Variants in LHPP observed in about 807,000 individuals in gnomAD.
The protein encoded by LHPP is phospholysine phosphohistidine inorganic pyrophosphate phosphatase.
A neutral mutation model predicts 30.3 loss-of-function variants in LHPP; 24 were observed. That is an observed-to-expected ratio of 0.79 (90% CI 0.57 to 1.11). LHPP has a LOEUF of 1.11. Ranked by LOEUF, LHPP falls within the 50% of genes most tolerant of loss-of-function variation. The pLI is 0.00. For synonymous variants in LHPP, 150 were observed against 157.1 expected (o/e 0.95, Z 0.34); for missense variants, 356 against 367.2 (o/e 0.97, Z 0.25).
intron 5 of LHPP, among the ~76,000 whole-genome samples, chr10:124,513,039 C>T (rs1157855010): frequency 1.3e-5 from 2 of 152,162 alleles, no homozygotes; most frequent in African/African-American, 2.4e-5. Flanking sequence ...CGGTTAGCCC[C>T]TCTTAGCATC....
intron 6 of LHPP, among the ~76,000 whole-genome samples, chr10:124,586,713 C>T (rs559810023): frequency 6.6e-6 from 1 of 152,234 alleles, no homozygotes; most frequent in South Asian, 2.1e-4. Flanking sequence ...GGCCCCGAGG[C>T]GAGAAGGACC....
intron 1 of LHPP, among the ~76,000 whole-genome samples, chr10:124,473,539 G>T (rs951816380): frequency 6.6e-6 from 1 of 152,148 alleles, no homozygotes; most frequent in Non-Finnish European, 1.5e-5. Flanking sequence ...TTGCCATGTG[G>T]CCTCAAGGAA....
chr10:124,582,539 T>C (rs973014176), intron 6 of LHPP, among the ~76,000 whole-genome samples: 2 of 151,262 alleles, frequency 1.3e-5, no homozygotes, highest in African/African-American at 4.9e-5. Flanking sequence ...TTGCTGCCTA[T>C]GCAGTAGAAA....
At chr10:124,604,812 G>A (rs182983859) in intron 6 of LHPP, among the ~76,000 whole-genome samples, 385 of 152,352 alleles carry the variant, frequency 2.5e-3, no homozygotes, top group African/African-American at 8.3e-3. Context: ...AGCAAATGGG[G>A]ACAGGGATAC....
intron 6 of LHPP, among the ~76,000 whole-genome samples, chr10:124,587,738 T>TA (rs747954796): frequency 0.048 from 2,538 of 52,836 alleles, 268 homozygotes; most frequent in African/African-American, 0.14. Context: ...AGACTCCATC[T>TA]AAAAAAAAAA....
chr10:124,553,959 C>T (rs1163114113), intron 6 of LHPP: 48 of 985,296 alleles, frequency 4.9e-5, no homozygotes, highest in Non-Finnish European at 4.1e-5. Context: ...GTTGTCCTTG[C>T]GGCACCATGC....
chr10:124,488,507 AAACATGAATAACGCCTTCC>A lies in LHPP; in HGVS notation c.401_419del (p.Asn134ArgfsTer26). The A allele has an allele frequency of 1.2e-6, 2 of 1,614,068 alleles. No homozygotes were observed. Among genetic ancestry groups the A allele is most frequent in the Non-Finnish European group, 1.7e-6 (2 of 1,180,010 alleles). Reference sequence around the variant, plus strand: ...ACGCAGGAGAAAGCTTTTCTTATCAAAACATGAATAACGCCTTCCAGGTGCTCATGGAGCTGGAAAAACC... The same window carrying A: ...ACGCAGGAGAAAGCTTTTCTTATCAAAGGTGCTCATGGAGCTGGAAAAACC... On this transcript the variant is annotated frameshift_variant, in exon 3 of 7. Coordinates refer to ENST00000368842, the MANE Select transcript of LHPP (RefSeq NM_022126.4). LOFTEE classifies it high-confidence loss of function.
chr10:124,494,276 G>A (rs1401330444), intron 3 of LHPP, among the ~76,000 whole-genome samples: 1 of 152,160 alleles, frequency 6.6e-6, no homozygotes, highest in Non-Finnish European at 1.5e-5. Flanking sequence ...GGAGGTGCTT[G>A]CTCCCGTCCA....
At chr10:124,602,732 ATGGAAGAAAATTGGGG>A (rs1441535403) in intron 6 of LHPP, among the ~76,000 whole-genome samples, 2 of 151,994 alleles carry the variant, frequency 1.3e-5, no homozygotes, top group African/African-American at 4.8e-5. Context: ...CTGCCCCCCA[ATGGAAGAAAATTGGGG>A]TTCAGTTAGC....
At chr10:124,556,483 T>C (rs987794337) in intron 6 of LHPP, among the ~76,000 whole-genome samples, 3 of 152,274 alleles carry the variant, frequency 2.0e-5, no homozygotes, top group African/African-American at 7.2e-5. Flanking sequence ...ACTGCATTGC[T>C]CATCCTTGTA....
Position 124,592,449 on chromosome 10 carries a change from G to A in LHPP, c.717-20815G>A, listed in dbSNP as rs1053570763. Among the ~76,000 whole-genome samples, 2 of 152,236 alleles carry A rather than the reference G, an allele frequency of 1.3e-5. No individual in the cohort carries two copies. The highest frequency in any genetic ancestry group is 4.8e-5 in the African/African-American group (2 of 41,456). On this transcript the variant is annotated intron_variant, in intron 6 of 6. Transcript: ENST00000368842. The surrounding 1 kb of genome is among the most constrained non-coding windows in gnomAD (Gnocchi z 6.2). ...TGATGAGACCCTGAGGTCACTGGCG[G>A]GGAAAATGAGTCACTGGGGCATTCC...
At chr10:124,575,646 A>G (rs1409329834) in intron 6 of LHPP, among the ~76,000 whole-genome samples, 1 of 152,126 alleles carries the variant, frequency 6.6e-6, no homozygotes, top group African/African-American at 2.4e-5. Context: ...AGGCGTCTGC[A>G]GGACTGGCTG....
chr10:124,578,461 T>C (rs1948697827), intron 6 of LHPP, among the ~76,000 whole-genome samples: 1 of 152,372 alleles, frequency 6.6e-6, no homozygotes, highest in South Asian at 2.1e-4. Context: ...GCAGGGGTTC[T>C]TGAGTGTCTC....
At position 124,496,878 on chromosome 10, in the gene LHPP, C is replaced by T. The variant is rs1953729397; in HGVS notation, c.468-83C>T. 7.8e-7 allele frequency: 1 copy of T among 1,284,994 alleles called. No individual in the cohort carries two copies. The highest frequency in any genetic ancestry group is 1.1e-6 in the Non-Finnish European group (1 of 901,630). 79.6% of individuals were successfully genotyped at this position (1,284,994 alleles called of 1,614,324 possible). A position where few individuals can be genotyped will look rare whatever the true frequency, so the allele number is the denominator to read the frequency against. ...TGGCTCTGCAGCCAGCGGGACAGGC[C>T]CGGTGCTCAGCTCCCGATACTTAGC... On this transcript the variant is annotated intron_variant, in intron 3 of 6. Coordinates refer to ENST00000368842, the MANE Select transcript of LHPP (RefSeq NM_022126.4). The surrounding 1 kb of genome is among the most constrained non-coding windows in gnomAD (Gnocchi z 4.3).
chr10:124,572,044 G>A (rs12260583), intron 6 of LHPP, among the ~76,000 whole-genome samples: 47,510 of 152,076 alleles, frequency 0.31, 7,475 homozygotes, highest in South Asian at 0.4. Context: ...GGTGTTGGAG[G>A]AAGACACTCA....
chr10:124,515,110 C>T (rs540839345), intron 5 of LHPP, among the ~76,000 whole-genome samples: 5 of 152,326 alleles, frequency 3.3e-5, no homozygotes, highest in African/African-American at 1.2e-4. Context: ...GCTCATCTCA[C>T]TTTGAGGAAC....
rs370918562 is a variant in LHPP, at chr10:124,498,137, G to A, written c.624+9G>A. ...GAGTGGAAGCCCACCAGGTAGGTTGGCGCCTTGTGAAGTGGGTCAGGGGAG... is the reference window on the plus strand; with the variant it reads ...GAGTGGAAGCCCACCAGGTAGGTTGACGCCTTGTGAAGTGGGTCAGGGGAG... On this transcript the variant is annotated intron_variant, in intron 5 of 6. Transcript: ENST00000368842. 32 of 1,588,240 alleles carry A rather than the reference G, an allele frequency of 2.0e-5. No homozygotes were observed. Among genetic ancestry groups the A allele is most frequent in the Non-Finnish European group, 2.7e-5 (31 of 1,159,748 alleles).
chr10:124,467,758 C>G (rs1952599169), intron 1 of LHPP, among the ~76,000 whole-genome samples: 2 of 151,788 alleles, frequency 1.3e-5, no homozygotes, highest in Non-Finnish European at 2.9e-5. Flanking sequence ...CTCTGTCTCC[C>G]AGGCTGGAGT....
At chr10:124,591,281 T>C (rs979332640) in intron 6 of LHPP, among the ~76,000 whole-genome samples, 24 of 152,056 alleles carry the variant, frequency 1.6e-4, no homozygotes, top group African/African-American at 5.8e-4. Context: ...GGGGTGCCCC[T>C]GAAGGTGGGG....
Sources: allele counts gnomAD v4.1 joint callset (sites outside exome capture counted in the v4.1 genomes callset), GRCh38; gene constraint gnomAD v4.1.1; non-coding constraint Gnocchi (gnomAD v3.1); transcripts MANE v1.5; gene names NCBI Gene and HGNC (gene_info 2026-07-23, HGNC 2026-07-21).